The following PCNX1 variants were observed in gnomAD, a reference collection of about 807,000 sequenced individuals.
PCNX1 encodes the protein pecanex 1.
PCNX1 carries 78 observed loss-of-function variants against 242.2 expected under a neutral mutation model. The ratio of observed to expected loss-of-function variants is 0.32; its 90% CI spans 0.27 to 0.39. The LOEUF (loss-of-function observed/expected upper bound fraction) is 0.39, where lower values mean the gene tolerates loss of function less well. PCNX1 is among the 10% of genes least tolerant of loss of function. The pLI is 1.00. For synonymous variants in PCNX1, 1,024 were observed against 1,032.9 expected (o/e 0.99, Z 0.17); for missense variants, 2,581 against 2,856.5 (o/e 0.90, Z 2.20).
rs60147260 is a variant in PCNX1 at position 71,006,103 on chromosome 14, C to CTG, written c.2630-3465_2630-3464dup. Among the ~76,000 whole-genome samples the CTG allele has an allele frequency of 1.4e-3, 156 of 114,226 alleles. 6 individuals are homozygous for CTG. The highest frequency in any genetic ancestry group is 3.2e-3 in the South Asian group (10 of 3,150). The allele number at this position is 114,226 out of a possible 152,430, so 74.9% of individuals were successfully genotyped here. A position where few individuals can be genotyped will look rare whatever the true frequency, so the allele number is the denominator to read the frequency against. On this transcript the variant is annotated intron_variant, in intron 8 of 35. Coordinates refer to ENST00000304743, the MANE Select transcript of PCNX1 (RefSeq NM_014982.3). ...ACACCCAGCTAGTACGTGTGTGTGTCTGTGTGTGTGTGTGTGTGTGTGTGT... is the reference window on the plus strand; with the variant it reads ...ACACCCAGCTAGTACGTGTGTGTGTCTGTGTGTGTGTGTGTGTGTGTGTGTGT...
intron 2 of PCNX1, among the ~76,000 whole-genome samples, chr14:70,948,384 C>A (rs1382208149): frequency 1.3e-5 from 2 of 152,048 alleles, no homozygotes; most frequent in Non-Finnish European, 2.9e-5. Context: ...CCGGCCAACA[C>A]TTAGGGAAAA....
intron 6 of PCNX1, 146 bp downstream of exon 6, chr14:70,978,794 G>GTGAT: frequency 1.3e-6 from 1 of 750,344 alleles, no homozygotes; most frequent in Non-Finnish European, 2.0e-6. Context: ...GAAGAAGTAG[G>GTGAT]TGATTATCTT....
chr14:70,951,509 G>A (rs546331455), intron 2 of PCNX1, among the ~76,000 whole-genome samples: 8 of 151,954 alleles, frequency 5.3e-5, no homozygotes, highest in Non-Finnish European at 1.2e-4. Context: ...CAAGTAGCTG[G>A]GATTACAGGC....
intron 1 of PCNX1, among the ~76,000 whole-genome samples, chr14:70,926,094 T>C (rs920114174): frequency 6.6e-6 from 1 of 152,158 alleles, no homozygotes; most frequent in Admixed American, 6.5e-5. Flanking sequence ...GACCAACATA[T>C]TATGTGAATA....
At chr14:71,077,303 C>T (rs185322100) in intron 28 of PCNX1, among the ~76,000 whole-genome samples, 1 of 152,308 alleles carries the variant, frequency 6.6e-6, no homozygotes, top group East Asian at 1.9e-4. Flanking sequence ...AAAGCTAATT[C>T]CTACCACCAC....
intron 16 of PCNX1, among the ~76,000 whole-genome samples, chr14:71,030,828 A>G (rs545844426): frequency 1.3e-5 from 2 of 152,086 alleles, no homozygotes; most frequent in Non-Finnish European, 2.9e-5. Context: ...TGTCTCCCAT[A>G]TCCCTTCCCT....
chr14:71,087,682 C>T (rs913972826), intron 28 of PCNX1, among the ~76,000 whole-genome samples: 2 of 152,022 alleles, frequency 1.3e-5, no homozygotes, highest in African/African-American at 4.8e-5. Flanking sequence ...AAGCACTGCC[C>T]TGGATTATTT....
rs750641854 is a variant in PCNX1, at chr14:71,108,919, A to G, written c.6617A>G (p.His2206Arg). 6.2e-7 allele frequency: 1 copy of G among 1,614,092 alleles called. No homozygotes were observed. The highest frequency in any genetic ancestry group is 8.5e-7 in the Non-Finnish European group (1 of 1,180,000). Residue 2206 changes from histidine (H) to arginine (R), a missense_variant, in exon 34 of 36, where the codon CAC becomes CGC. His to Arg is a conservative substitution (Grantham distance 29). Around this residue, in one of 9 missense-constraint regions of PCNX1, gnomAD observed 432 missense variants for 433.6 expected, o/e 1.00. Transcript: ENST00000304743. Reference sequence around the variant, plus strand: ...CAAAGCATCCCAGCCTGCAAACATCACACTCTCGTGGGCTTTCTTGCGACA... The same window carrying G: ...CAAAGCATCCCAGCCTGCAAACATCGCACTCTCGTGGGCTTTCTTGCGACA... ...SSQSIPACKHHTLVGFLATEG... is the reference protein window; with the variant it reads ...SSQSIPACKHRTLVGFLATEG...
chr14:70,949,278 TGTATACACACACGTGTGTAC>T (rs1399894937), intron 2 of PCNX1, among the ~76,000 whole-genome samples: 452 of 39,008 alleles, frequency 0.012, 6 homozygotes, highest in African/African-American at 0.032. Context: ...TGCACACACG[TGTATACACACACGTGTGTAC>T]ACACATATGT....
At chr14:70,973,294 T>A (rs922026202) in intron 5 of PCNX1, among the ~76,000 whole-genome samples, 4 of 150,396 alleles carry the variant, frequency 2.7e-5, no homozygotes, top group Admixed American at 6.6e-5. Context: ...TTTTAAGATG[T>A]GAACCCTGAG....
At chr14:70,909,585 G>A (rs1028251684) in intron 1 of PCNX1, among the ~76,000 whole-genome samples, 1 of 152,166 alleles carries the variant, frequency 6.6e-6, no homozygotes, top group Non-Finnish European at 1.5e-5. Flanking sequence ...TGGGTCCAGT[G>A]TAAGATTTCT....
At chr14:70,984,666 G>T (rs867212394) in intron 6 of PCNX1, among the ~76,000 whole-genome samples, 1 of 152,046 alleles carries the variant, frequency 6.6e-6, no homozygotes, top group African/African-American at 2.4e-5. Context: ...GATTACAGGC[G>T]TGAGCCACCG....
At chr14:71,084,226 G>A (rs765629976) in intron 28 of PCNX1, among the ~76,000 whole-genome samples, 20 of 152,170 alleles carry the variant, frequency 1.3e-4, no homozygotes, top group Non-Finnish European at 2.8e-4. Context: ...TGGAAGCTTC[G>A]TCCCAGAGGG....
chr14:70,995,706 C>G, intron 7 of PCNX1, 35 bp from the exon 8 acceptor site: 1 of 1,583,992 alleles, frequency 6.3e-7, no homozygotes, highest in South Asian at 1.1e-5. Context: ...TCTTTTCTTC[C>G]CTGTAATGTC....
At chr14:71,044,919 A>C (rs143737743) in intron 19 of PCNX1, among the ~76,000 whole-genome samples, 1 of 152,374 alleles carries the variant, frequency 6.6e-6, no homozygotes, top group East Asian at 1.9e-4. Context: ...ACCCGTTTCA[A>C]AATATCTGTG....
intron 19 of PCNX1, among the ~76,000 whole-genome samples, chr14:71,043,111 G>A (rs991440462): frequency 4.6e-5 from 7 of 152,046 alleles, no homozygotes; most frequent in East Asian, 1.9e-4. Context: ...TCAGCACTTC[G>A]AATGTGTCAC....
rs2059064511 is a variant in PCNX1 at position 70,988,559 on chromosome 14, T to G, written c.2312-8T>G. ...GCTCTTGTTTGACCTAAGTCTGTCT[T>G]GATGCAGCAGCACAAGCCAGCGAGG... is the stretch of plus-strand genomic sequence containing the variant. On this transcript the variant is annotated splice_region_variant and splice_polypyrimidine_tract_variant and intron_variant, in intron 6 of 35. Transcript: ENST00000304743. 1 of 1,613,502 alleles carries G rather than the reference T, an allele frequency of 6.2e-7. No individual in the cohort carries two copies. The highest frequency in any genetic ancestry group is 8.5e-7 in the Non-Finnish European group (1 of 1,179,510).
chr14:70,973,265 A>AAG (rs1197281201), intron 5 of PCNX1, among the ~76,000 whole-genome samples: 1 of 151,974 alleles, frequency 6.6e-6, no homozygotes, highest in Non-Finnish European at 1.5e-5. Flanking sequence ...AAAAAAAAAA[A>AAG]AAAAGAAAAA....
intron 7 of PCNX1, among the ~76,000 whole-genome samples, chr14:70,990,400 A>AT (rs946542435): frequency 1.4e-5 from 2 of 143,742 alleles, no homozygotes; most frequent in Admixed American, 7.1e-5. Context: ...TCTACTAAAA[A>AT]TAAAAAAAAA....
Sources: allele counts gnomAD v4.1 joint callset (sites outside exome capture counted in the v4.1 genomes callset), GRCh38; gene constraint gnomAD v4.1.1; regional missense constraint gnomAD v4.1.1; transcripts MANE v1.5; gene names NCBI Gene and HGNC (gene_info 2026-07-23, HGNC 2026-07-21).